The following LONP1 variants were observed in gnomAD, a reference collection of about 807,000 sequenced individuals.
LONP1 encodes the protein lon peptidase 1, mitochondrial, also known as lon protease homolog, mitochondrial.
A neutral mutation model predicts 98.5 loss-of-function variants in LONP1; 31 were observed. That is an observed-to-expected ratio of 0.31 (90% confidence interval 0.24 to 0.42). LONP1 has a LOEUF of 0.42. LONP1 is among the 20% of genes least tolerant of loss of function. The probability of loss-of-function intolerance (pLI) is 1.00; values close to 1 mark genes in which losing one functional copy is unlikely to be tolerated. For synonymous variants in LONP1, 781 were observed against 594.7 expected (o/e 1.31, Z -4.56); for missense variants, 1,336 against 1,350.6 (o/e 0.99, Z 0.17).
chr19:5,716,600 T>A (rs2055328042), intron 1 of LONP1, among the ~76,000 whole-genome samples: 1 of 151,384 alleles, frequency 6.6e-6, no homozygotes, highest in South Asian at 2.1e-4. Context: ...CAGTAACATC[T>A]GACAGGAGGG....
At position 5,707,634 on chromosome 19, in the gene LONP1, C is replaced by G. The variant is rs1052264438; in HGVS notation, c.1062+63G>C. On this transcript the variant is annotated intron_variant, in intron 6 of 17. Coordinates refer to ENST00000360614, the MANE Select transcript of LONP1 (RefSeq NM_004793.4). ...AGGAACGGGGGCAGCCGGGCGTGGG[C>G]GGAGCATAGTGGAGGTGGGGTGCAG... is the stretch of plus-strand genomic sequence containing the variant. The G allele has an allele frequency of 2.6e-6, 4 of 1,559,684 alleles. No homozygotes were observed. In the African/African-American group the frequency reaches 5.4e-5, roughly 21 times the overall value.
chr19:5,710,776 A>G (rs1017366782), intron 4 of LONP1, among the ~76,000 whole-genome samples: 1 of 152,142 alleles, frequency 6.6e-6, no homozygotes, highest in Admixed American at 6.5e-5. Flanking sequence ...CTATAATCCC[A>G]GCATTTTGGG....
Position 5,696,034 on chromosome 19 carries a change from T to C in LONP1, c.2013+20A>G, listed in dbSNP as rs368256556. 49 of 1,602,262 alleles carry C rather than the reference T, an allele frequency of 3.1e-5. No individual in the cohort carries two copies. In the Middle Eastern group the frequency reaches 1.8e-3, roughly 60 times the overall value. ...CCCTGCTCTGGGAAGGGGACAGCAG[T>C]GGGGAGGGGCTGGGCTTACCTCCGC... On this transcript the variant is annotated intron_variant, in intron 13 of 17. Coordinates refer to ENST00000360614, the MANE Select transcript of LONP1 (RefSeq NM_004793.4).
chr19:5,698,159 AGTG>A (rs1481842992), intron 10 of LONP1, among the ~76,000 whole-genome samples: 1 of 150,958 alleles, frequency 6.6e-6, no homozygotes, highest in Non-Finnish European at 1.5e-5. Flanking sequence ...GGCTGGTCAG[AGTG>A]GCCGCCCCCT....
At chr19:5,714,063 G>A (rs1484601116) in intron 2 of LONP1, 120 bp downstream of exon 2, 1 of 708,466 alleles carries the variant, frequency 1.4e-6, no homozygotes, top group Non-Finnish European at 2.4e-6. Flanking sequence ...CTTTATTCTG[G>A]AGGTCTTCCC....
intron 1 of LONP1, among the ~76,000 whole-genome samples, chr19:5,714,660 C>T (rs1289598998): frequency 6.7e-6 from 1 of 149,248 alleles, no homozygotes; most frequent in East Asian, 2.0e-4. Flanking sequence ...GCTCTGTCAC[C>T]CAGGCTGGAG....
At position 5,714,187 on chromosome 19, in the gene LONP1, C is replaced by T. The variant is rs1037953522; in HGVS notation, c.514G>A (p.Asp172Asn). The change falls in exon 2 of 18, where the codon GAC becomes AAC. Residue 172 changes from aspartate (D) to asparagine (N), a missense_variant. Around this residue, in one of 5 missense-constraint regions of LONP1, gnomAD observed 457 missense variants for 403.1 expected, o/e 1.13. Coordinates refer to ENST00000360614, the MANE Select transcript of LONP1 (RefSeq NM_004793.4). Reference protein sequence around the residue: ...PYVGVFLKRDDSNESDVVESL... With the variant: ...PYVGVFLKRDNSNESDVVESL... ...TGAAGGAAAAATCACACTTACCTGT[C>T]ATCTCTCTTTAGAAAGACGCCGACA... 1 of 1,612,578 alleles carries T rather than the reference C, an allele frequency of 6.2e-7. No individual in the cohort carries two copies. Among genetic ancestry groups the T allele is most frequent in the Admixed American group, 1.7e-5 (1 of 59,624 alleles).
intron 8 of LONP1, 94 bp from the exon 9 acceptor site, chr19:5,701,021 C>CG: frequency 6.9e-7 from 1 of 1,452,530 alleles, no homozygotes; most frequent in Non-Finnish European, 9.6e-7. Context: ...GGGCTTGAAA[C>CG]CCATGTGTGG....
rs754902311 is a variant in LONP1 at position 5,694,821 on chromosome 19, C to T, written c.2094G>A (p.Leu698=). The change falls in exon 14 of 18, where the codon CTG becomes CTA. Residue 698 remains leucine, a synonymous_variant. Transcript: ENST00000360614. ...KAKLSSDVLT[L]LIKQYCRESG... The stretch of plus-strand genomic sequence containing the variant: ...TCTCGCGGCAGTACTGCTTGATGAG[C>T]AGCGTCAGCACGTCCGATGACAGCT... 1.9e-6 allele frequency: 3 copies of T among 1,600,824 alleles called. No homozygotes were observed. Among genetic ancestry groups the T allele is most frequent in the African/African-American group, 2.7e-5 (2 of 74,718 alleles).
chr19:5,714,328 A>G (rs1323851481), intron 1 of LONP1, 57 bp from the exon 2 acceptor site: 3 of 1,195,164 alleles, frequency 2.5e-6, no homozygotes, highest in Non-Finnish European at 3.7e-6. Context: ...TTTGAGACAG[A>G]GTCTCATTCT....
Position 5,710,038 on chromosome 19 carries a change from A to G in LONP1, c.871-1635T>C, listed in dbSNP as rs552306852. ...CAAGATTCTCACAGGGAATGCCCCA[A>G]TGCTGAGCTGCCCAGGACAGTGTAG... On this transcript the variant is annotated intron_variant, in intron 4 of 17. Transcript: ENST00000360614. Among the ~76,000 whole-genome samples the G allele has an allele frequency of 2.5e-4, 37 of 150,806 alleles. No individual in the cohort carries two copies. In the East Asian group the frequency reaches 2.9e-3, roughly 12 times the overall value.
At chr19:5,695,983 G>A (rs1164647947) in intron 13 of LONP1, 71 bp downstream of exon 13, 38 of 1,376,802 alleles carry the variant, frequency 2.8e-5, no homozygotes, top group East Asian at 1.2e-4. Flanking sequence ...CCAGAGGCAC[G>A]GCCTCTGCAG....
Position 5,693,630 on chromosome 19 carries a change from G to A in LONP1, c.2460C>T (p.Phe820=), listed in dbSNP as rs202186350. 6.9e-5 allele frequency: 112 copies of A among 1,614,118 alleles called. No homozygotes were observed. Among genetic ancestry groups the A allele is most frequent in the Middle Eastern group, 1.6e-4 (1 of 6,062 alleles). Residue 820 remains phenylalanine, a synonymous_variant, in exon 16 of 18, where the codon TTC becomes TTT. Coordinates refer to ENST00000360614, the MANE Select transcript of LONP1 (RefSeq NM_004793.4). ...CGTGCTGCATGAGGAAGGCTCTGGC[G>A]AAGGTGTAGGCTATGCGGGCGCTCT... is the stretch of plus-strand genomic sequence containing the variant. The part of the protein sequence containing the change: ...MKESARIAYT[F]ARAFLMQHAP...
At chr19:5,695,060 C>T (rs376190413) in intron 13 of LONP1, among the ~76,000 whole-genome samples, 159 bp from the exon 14 acceptor site, 6 of 152,028 alleles carry the variant, frequency 3.9e-5, no homozygotes, top group African/African-American at 1.2e-4. Context: ...CCCTGCCACC[C>T]ACCATGCCCA....
At position 5,693,436 on chromosome 19, in the gene LONP1, G is replaced by C; in HGVS notation, c.2565C>G (p.Ser855Arg). ...GGGCCGTGACGATGGTGCAGCCTGC[G>C]CTTGGGCCGTCCTTGGGGGTGGCGC... ...PEGATPKDGPSAGCTIVTALL... is the reference protein window; with the variant it reads ...PEGATPKDGPRAGCTIVTALL... The change falls in exon 17 of 18, where the codon AGC (serine) becomes AGG (arginine). Residue 855 changes from serine to arginine, a missense_variant. By Grantham distance (110) the Ser-to-Arg change is moderately radical (BLOSUM62 -1). This residue lies in a region of LONP1 where 555 missense variants were observed against 542.6 expected (regional missense o/e 1.02). Coordinates refer to ENST00000360614, the MANE Select transcript of LONP1 (RefSeq NM_004793.4). 2 of 1,611,792 alleles carry C rather than the reference G, an allele frequency of 1.2e-6. No individual in the cohort carries two copies. The highest frequency in any genetic ancestry group is 1.7e-6 in the Non-Finnish European group (2 of 1,178,782).
intron 1 of LONP1, among the ~76,000 whole-genome samples, chr19:5,716,226 T>G (rs948095157): frequency 7.2e-6 from 1 of 138,566 alleles, no homozygotes; most frequent in East Asian, 2.1e-4. Context: ...TTGAAGTTTT[T>G]AATTCTTTAT....
rs377507199 is a variant in LONP1, at chr19:5,694,801, C to T, written c.2114G>A (p.Arg705His). ...VLTLLIKQYC[R>H]ESGVRNLQKQ... ...CTGCAGGTTGCGGACACCGCTCTCG[C>T]GGCAGTACTGCTTGATGAGCAGCGT... Residue 705 changes from arginine (R) to histidine (H), a missense_variant, in exon 14 of 18, where the codon CGC becomes CAC. Arg to His is a conservative substitution (Grantham distance 29, BLOSUM62 0). Transcript: ENST00000360614. 36 of 1,598,836 alleles carry T rather than the reference C, an allele frequency of 2.3e-5. No homozygotes were observed. In the South Asian group the frequency reaches 3.3e-4, roughly 15 times the overall value.
chr19:5,717,692 T>C (rs1199497224), intron 1 of LONP1: 1 of 152,236 alleles, frequency 6.6e-6, no homozygotes, highest in Non-Finnish European at 1.5e-5. Context: ...TCCTGAAATG[T>C]CAGAAGTACA....
chr19:5,714,119 G>C (rs1170286332), intron 2 of LONP1, 64 bp downstream of exon 2: 1 of 1,278,534 alleles, frequency 7.8e-7, no homozygotes, highest in Non-Finnish European at 1.1e-6. Flanking sequence ...TACAGAGTAG[G>C]ACTTGTGGTG....
Sources: gnomAD v4.1 joint callset for allele counts (sites outside exome capture counted in the v4.1 genomes callset) on GRCh38, gnomAD v4.1.1 for gene constraint, gnomAD v4.1.1 regional missense constraint, MANE v1.5 for transcripts, NCBI Gene and HGNC (gene_info 2026-07-23, HGNC 2026-07-21) for gene names.